Variants in DEK observed in about 807,000 individuals in gnomAD.
DEK encodes protein DEK.
A neutral mutation model predicts 46.8 loss-of-function variants in DEK; 28 were observed. The observed-to-expected ratio is 0.60, with a 90% CI of 0.44 to 0.82. The LOEUF is 0.82. DEK is among the 40% of genes least tolerant of loss of function. The pLI, the probability that DEK is intolerant of heterozygous loss-of-function variation, is 0.00. For synonymous variants in DEK, 160 were observed against 144.5 expected (o/e 1.11, Z -0.77); for missense variants, 416 against 430.6 (o/e 0.97, Z 0.30).
intron 2 of DEK, 45 bp downstream of exon 2, chr6:18,263,798 A>C (rs1252843140): frequency 6.2e-7 from 1 of 1,610,560 alleles, no homozygotes; most frequent in South Asian, 1.1e-5. Flanking sequence ...ATACAAAAAA[A>C]CTTCGGTCTG....
chr6:18,241,863 C>T (rs973347774), intron 7 of DEK, among the ~76,000 whole-genome samples: 7 of 152,108 alleles, frequency 4.6e-5, no homozygotes, highest in African/African-American at 1.7e-4. Context: ...CCTGCTGATT[C>T]CTAGATTTTG....
intron 2 of DEK, among the ~76,000 whole-genome samples, chr6:18,261,701 G>GT (rs1414204459): frequency 3.3e-5 from 5 of 152,226 alleles, no homozygotes; most frequent in African/African-American, 1.2e-4. Flanking sequence ...CCCAATGTCT[G>GT]TACCATCACT....
chr6:18,254,194 G>T (rs1048225506), intron 6 of DEK, among the ~76,000 whole-genome samples: 5 of 152,060 alleles, frequency 3.3e-5, no homozygotes, highest in African/African-American at 1.2e-4. Context: ...AGCCAGGTAT[G>T]GTGGCACACG....
chr6:18,236,735 AG>A (rs1408279174), intron 8 of DEK, 135 bp from the exon 9 acceptor site: 7 of 547,992 alleles, frequency 1.3e-5, no homozygotes, highest in Middle Eastern at 1.1e-3. Flanking sequence ...ACTACTCTAC[AG>A]TTACCTATAA....
chr6:18,246,885 T>G (rs1320567647), intron 7 of DEK, among the ~76,000 whole-genome samples: 3 of 152,192 alleles, frequency 2.0e-5, no homozygotes, highest in Non-Finnish European at 4.4e-5. Flanking sequence ...TCTTAATGAA[T>G]AAGAGTCTTT....
In DEK at chr6:18,238,853, G is replaced by A. The variant is rs149544364; in HGVS notation, c.763-1337C>T. Among the ~76,000 whole-genome samples the A allele has an allele frequency of 7.9e-5, 12 of 152,034 alleles. 1 individual carries two copies. The highest frequency in any genetic ancestry group is 2.2e-4 in the African/African-American group (9 of 41,480). On this transcript the variant is annotated intron_variant, in intron 7 of 10. Transcript: ENST00000652689. ...CCCATTTACACACTAAAACTACTGC[G>A]ATCACTTGACAGAACGTTTCTCCAA...
At chr6:18,257,387 T>C (rs1256010475) in intron 4 of DEK, among the ~76,000 whole-genome samples, 2 of 152,176 alleles carry the variant, frequency 1.3e-5, no homozygotes, top group African/African-American at 2.4e-5. Context: ...TAATTTGAAA[T>C]TTCAGTTTGG....
chr6:18,261,692 C>G (rs1202588091), intron 2 of DEK, among the ~76,000 whole-genome samples: 1 of 152,178 alleles, frequency 6.6e-6, no homozygotes, highest in South Asian at 2.1e-4. Context: ...GGAATTTTAC[C>G]CAATGTCTGT....
At chr6:18,228,993 C>T (rs1199209983) in intron 9 of DEK, among the ~76,000 whole-genome samples, 1 of 152,216 alleles carries the variant, frequency 6.6e-6, no homozygotes, top group Admixed American at 6.5e-5. Context: ...AACTGGGAGA[C>T]ACCTCCCAGT....
chr6:18,244,447 A>C, intron 7 of DEK: 1 of 831,246 alleles, frequency 1.2e-6, no homozygotes, highest in Non-Finnish European at 1.7e-6. Context: ...ACAGAATCAG[A>C]GGAATGACAT....
intron 7 of DEK, among the ~76,000 whole-genome samples, chr6:18,241,342 C>T (rs1790886009): frequency 6.6e-6 from 1 of 152,070 alleles, no homozygotes; most frequent in African/African-American, 2.4e-5. Context: ...AAACAATGTC[C>T]CCTTTAATTT....
chr6:18,224,535 C>T lies in DEK; in HGVS notation c.*1184G>A, dbSNP rs575609291. On this transcript the variant is annotated 3_prime_UTR_variant, in exon 11 of 11. Coordinates refer to ENST00000652689, the MANE Select transcript of DEK (RefSeq NM_003472.4). ...TTCAGGAGTGGTCCATTATGTTGAT[C>T]ATCTAGAATCAACACTGATTAACCA... 5.0e-6 allele frequency: 1 copy of T among 201,132 alleles called. No individual in the cohort carries two copies. The highest frequency in any genetic ancestry group is 6.0e-5 in the Admixed American group (1 of 16,658). The allele number at this position is 201,132 out of a possible 1,614,324, so 12.5% of individuals were successfully genotyped here.
intron 7 of DEK, among the ~76,000 whole-genome samples, chr6:18,247,182 G>A (rs1040736188): frequency 6.6e-6 from 1 of 152,012 alleles, no homozygotes; most frequent in African/African-American, 2.4e-5. Context: ...ACCTTTCAAA[G>A]GCCTTTCACA....
rs140697635 is a variant in DEK at position 18,249,706 on chromosome 6, T to C, written c.707A>G (p.Glu236Gly). 1,190 of 1,605,770 alleles carry C rather than the reference T, an allele frequency of 7.4e-4. 3 individuals are homozygous for C. Among genetic ancestry groups the C allele is most frequent in the Non-Finnish European group, 9.2e-4 (1,088 of 1,177,936 alleles). The change falls in exon 7 of 11, where the codon GAA becomes GGA. Residue 236 changes from glutamate to glycine, a missense_variant. Physicochemically the swap from Glu to Gly is moderately conservative, Grantham distance 98 (BLOSUM62 -2). Transcript: ENST00000652689. ...LSDESSSDED[E>G]KKNKEESSDD... The stretch of plus-strand genomic sequence containing the variant: ...TGAAGACTCTTCCTTGTTTTTCTTT[T>C]CATCTTCATCACTACTAGATTCATC...
intron 6 of DEK, among the ~76,000 whole-genome samples, chr6:18,254,718 T>C (rs1791531351): frequency 6.6e-6 from 1 of 152,140 alleles, no homozygotes; most frequent in South Asian, 2.1e-4. Flanking sequence ...GAAATAGTGA[T>C]CACCTTGCCT....
At chr6:18,248,326 G>C (rs956381885) in intron 7 of DEK, among the ~76,000 whole-genome samples, 5 of 152,060 alleles carry the variant, frequency 3.3e-5, no homozygotes, top group Non-Finnish European at 5.9e-5. Context: ...ATAATGTTTC[G>C]TGCTTTAACT....
At chr6:18,233,026 G>A (rs1790477470) in intron 9 of DEK, among the ~76,000 whole-genome samples, 1 of 152,086 alleles carries the variant, frequency 6.6e-6, no homozygotes, top group African/African-American at 2.4e-5. Flanking sequence ...ACAGAACAGA[G>A]CCCTCGGAAA....
At chr6:18,239,675 G>A (rs768045331) in intron 7 of DEK, among the ~76,000 whole-genome samples, 3 of 152,200 alleles carry the variant, frequency 2.0e-5, no homozygotes, top group Non-Finnish European at 2.9e-5. Context: ...GGACTTTTGC[G>A]ATTTACAGGC....
chr6:18,225,075 A>C lies in DEK; in HGVS notation c.*644T>G, dbSNP rs965191037. The C allele has an allele frequency of 9.3e-6, 2 of 214,668 alleles. No individual in the cohort carries two copies. Among genetic ancestry groups the C allele is most frequent in the African/African-American group, 4.5e-5 (2 of 44,282 alleles). The allele number at this position is 214,668 out of a possible 1,614,324, so 13.3% of individuals were successfully genotyped here. A position where few individuals can be genotyped will look rare whatever the true frequency, so the allele number is the denominator to read the frequency against. ...TAAAGATACCTACCTATGTGAGTTT[A>C]AAAAGTGATCTGCACAAAAGAAATA... On this transcript the variant is annotated 3_prime_UTR_variant, in exon 11 of 11. Transcript: ENST00000652689.
Sources: gnomAD v4.1 joint callset for allele counts (sites outside exome capture counted in the v4.1 genomes callset) on GRCh38, gnomAD v4.1.1 for gene constraint, MANE v1.5 for transcripts, NCBI Gene and HGNC (gene_info 2026-07-23, HGNC 2026-07-21) for gene names.